FBXW5: variants seen among roughly 807,000 people sequenced by gnomAD.
The protein encoded by FBXW5 is F-box/WD repeat-containing protein 5.
Under a neutral mutation model 50.9 loss-of-function variants are expected in FBXW5, and 74 were observed. The ratio of observed to expected loss-of-function variants is 1.45; its 90% CI spans 1.20 to 1.76. FBXW5 has a LOEUF of 1.76. FBXW5 is among the 40% of genes most tolerant of loss of function. The pLI is 0.00. For missense variants in FBXW5, 1,073 were observed against 818.8 expected (o/e 1.31, Z -3.79); for synonymous variants, 523 against 362.2 (o/e 1.44, Z -5.04).
intron 3 of FBXW5, 199 bp downstream of exon 3, chr9:136,943,150 C>T: frequency 9.7e-7 from 1 of 1,027,894 alleles, no homozygotes; most frequent in East Asian, 2.6e-5. Context: ...GTGTGTGGGA[C>T]CCTCTCCTCA....
In FBXW5 at chr9:136,940,782, G is replaced by A. The variant is rs1190635818; in HGVS notation, c.*146C>T. ...GCATCACAGCTGCGTGAGCAGGTTT[G>A]TGTGTGAGCGTGTGGCGGGGCCTGG... On this transcript the variant is annotated 3_prime_UTR_variant, in exon 9 of 9. Coordinates refer to ENST00000325285, the MANE Select transcript of FBXW5 (RefSeq NM_018998.4). 2 of 1,256,936 alleles carry A rather than the reference G, an allele frequency of 1.6e-6. No individual in the cohort carries two copies. The highest frequency in any genetic ancestry group is 2.2e-6 in the Non-Finnish European group (2 of 927,540). The allele number at this position is 1,256,936 out of a possible 1,614,324, so 77.9% of individuals were successfully genotyped here.
chr9:136,944,127 C>T, intron 1 of FBXW5, 21 bp from the exon 2 acceptor site: 2 of 1,532,192 alleles, frequency 1.3e-6, no homozygotes, highest in South Asian at 1.2e-5. Context: ...CCAACGGCTG[C>T]CCTCAGCCCA....
chr9:136,943,774 G>A, intron 2 of FBXW5, 117 bp downstream of exon 2: 1 of 1,211,386 alleles, frequency 8.3e-7, no homozygotes, highest in Non-Finnish European at 1.2e-6. Context: ...AGGGTGTGGG[G>A]GGGTGAGCAT....
At position 136,940,496 on chromosome 9, in the gene FBXW5, C is replaced by T. The variant is rs1034529004; in HGVS notation, c.*432G>A. Reference sequence around the variant, plus strand: ...GTGGTGCGTGGACATGCAACACACTCGGGCCCACAGCAGCGTGACCGGCCG... The same window carrying T: ...GTGGTGCGTGGACATGCAACACACTTGGGCCCACAGCAGCGTGACCGGCCG... On this transcript the variant is annotated 3_prime_UTR_variant, in exon 9 of 9. Coordinates refer to ENST00000325285, the MANE Select transcript of FBXW5 (RefSeq NM_018998.4). 9 of 251,574 alleles carry T rather than the reference C, an allele frequency of 3.6e-5. No homozygotes were observed. The highest frequency in any genetic ancestry group is 5.6e-5 in the Non-Finnish European group (7 of 125,876). The allele number at this position is 251,574 out of a possible 1,614,324, so 15.6% of individuals were successfully genotyped here.
rs1850971645 is a variant in FBXW5 at position 136,944,720 on chromosome 9, C to T, written c.-150G>A. The T allele has an allele frequency of 2.0e-6, 2 of 985,534 alleles. No individual in the cohort carries two copies. Among genetic ancestry groups the T allele is most frequent in the Non-Finnish European group, 2.4e-6 (2 of 829,910 alleles). 61.0% of individuals were successfully genotyped at this position (985,534 alleles called of 1,614,324 possible). On this transcript the variant is annotated 5_prime_UTR_variant, in exon 1 of 9. Coordinates refer to ENST00000325285, the MANE Select transcript of FBXW5 (RefSeq NM_018998.4). ...CCGCCAGGCCCGACGCCACGAGCCC[C>T]GAGGCATCGATGGCCGAGGAAGGCA...
In FBXW5 at chr9:136,940,804, C is replaced by T; in HGVS notation, c.*124G>A. 2.9e-6 allele frequency: 4 copies of T among 1,385,968 alleles called. No individual in the cohort carries two copies. The highest frequency in any genetic ancestry group is 2.9e-6 in the Non-Finnish European group (3 of 1,041,930). The allele number at this position is 1,385,968 out of a possible 1,614,324, so 85.9% of individuals were successfully genotyped here. ...TTTGTGTGTGAGCGTGTGGCGGGGC[C>T]TGGTTGTCCCCTTCCTAAGGCGTAA... On this transcript the variant is annotated 3_prime_UTR_variant, in exon 9 of 9. Coordinates refer to ENST00000325285, the MANE Select transcript of FBXW5 (RefSeq NM_018998.4).
rs1424676288 is a variant in FBXW5 at position 136,942,606 on chromosome 9, G to C, written c.616C>G (p.Leu206Val). The C allele has an allele frequency of 1.2e-6, 2 of 1,610,888 alleles. No homozygotes were observed. Among genetic ancestry groups the C allele is most frequent in the East Asian group, 2.2e-5 (1 of 44,818 alleles). ...LTETSLISGN[L>V]HRIGDITSCS... is the part of the protein sequence containing the mutation. ...GAGGTGATATCTCCGATGCGGTGCA[G>C]GTTCCCCGAGATGAGGCTGGTCTCG... The change falls in exon 5 of 9, where the codon CTG (leucine) becomes GTG (valine). Residue 206 changes from leucine (L) to valine (V), a missense_variant. Leu to Val is a conservative substitution (Grantham distance 32). Coordinates refer to ENST00000325285, the MANE Select transcript of FBXW5 (RefSeq NM_018998.4).
intron 4 of FBXW5, 36 bp downstream of exon 4, chr9:136,942,733 G>C (rs778755224): frequency 6.2e-7 from 1 of 1,611,548 alleles, no homozygotes; most frequent in Non-Finnish European, 8.5e-7. Context: ...TGTCGGCGTG[G>C]GGCGGGGGCA....
chr9:136,940,689 T>G lies in FBXW5; in HGVS notation c.*239A>C, dbSNP rs1850715598. 1.7e-6 allele frequency: 1 copy of G among 594,096 alleles called. No individual in the cohort carries two copies. Among genetic ancestry groups the G allele is most frequent in the African/African-American group, 1.9e-5 (1 of 53,576 alleles). 36.8% of individuals were successfully genotyped at this position (594,096 alleles called of 1,614,324 possible). On this transcript the variant is annotated 3_prime_UTR_variant, in exon 9 of 9. Transcript: ENST00000325285. ...GAGGAGCGGCACCCCCAGTATCCTGTGTACCCCAAGTTGCCCAGGAGGCCG... is the reference window on the plus strand; with the variant it reads ...GAGGAGCGGCACCCCCAGTATCCTGGGTACCCCAAGTTGCCCAGGAGGCCG...
rs757618163 is a variant in FBXW5, at chr9:136,944,121, C to T, written c.-23-15G>A. 7 of 1,541,010 alleles carry T rather than the reference C, an allele frequency of 4.5e-6. No homozygotes were observed. Among genetic ancestry groups the T allele is most frequent in the Admixed American group, 3.9e-5 (2 of 51,566 alleles). Reference sequence around the variant, plus strand: ...CCCAGGCGGCCCTGAAACCCACCAACGGCTGCCCTCAGCCCAGGCCCGGGA... The same window carrying T: ...CCCAGGCGGCCCTGAAACCCACCAATGGCTGCCCTCAGCCCAGGCCCGGGA... On this transcript the variant is annotated splice_polypyrimidine_tract_variant and intron_variant, in intron 1 of 8. Transcript: ENST00000325285.
rs1365991949 is a variant in FBXW5, at chr9:136,941,479, T to C, written c.1245-16A>G. On this transcript the variant is annotated splice_polypyrimidine_tract_variant and intron_variant, in intron 7 of 8. Transcript: ENST00000325285. Reference sequence around the variant, plus strand: ...GTACAGGTACCTGGGCGAGGGGCACTGTGCTAGGTGTGGGCCGCCTGCGGG... The same window carrying C: ...GTACAGGTACCTGGGCGAGGGGCACCGTGCTAGGTGTGGGCCGCCTGCGGG... 1.2e-6 allele frequency: 2 copies of C among 1,604,642 alleles called. No homozygotes were observed. The highest frequency in any genetic ancestry group is 1.7e-6 in the Non-Finnish European group (2 of 1,178,272).
In FBXW5 at chr9:136,941,353, GT is replaced by G; in HGVS notation, c.1354del (p.Thr452ProfsTer5). On this transcript the variant is annotated frameshift_variant, in exon 8 of 9. Coordinates refer to ENST00000325285, the MANE Select transcript of FBXW5 (RefSeq NM_018998.4). LOFTEE classifies it high-confidence loss of function. ...EIDLLVFDLK[T>X]MREVRRALRA... ...CAGAGCCCGCCTCACCTCCCGCATGGTCTTGAGGTCGAACACCAGCAGGTCA... is the reference window on the plus strand; with the variant it reads ...CAGAGCCCGCCTCACCTCCCGCATGGCTTGAGGTCGAACACCAGCAGGTCA... 6.2e-7 allele frequency: 1 copy of G among 1,611,656 alleles called. No individual in the cohort carries two copies. The highest frequency in any genetic ancestry group is 2.2e-5 in the East Asian group (1 of 44,882).
Position 136,942,832 on chromosome 9 carries a change from C to T in FBXW5, c.463G>A (p.Ala155Thr), listed in dbSNP as rs752266640. The part of the protein sequence containing the change: ...QFNKDDSLLL[A>T]SGVFLGPHNS... ...TGCGGCCCCAGGAACACCCCCGAGG[C>T]CAGCAGTAGCGAGTCGTCCTTGTTG... Residue 155 changes from alanine (A) to threonine (T), a missense_variant, in exon 4 of 9, where the codon GCC (alanine) becomes ACC (threonine). By Grantham distance (58) the Ala-to-Thr change is moderately conservative. Coordinates refer to ENST00000325285, the MANE Select transcript of FBXW5 (RefSeq NM_018998.4). The T allele has an allele frequency of 1.2e-6, 2 of 1,613,366 alleles. No individual in the cohort carries two copies. Among genetic ancestry groups the T allele is most frequent in the East Asian group, 2.2e-5 (1 of 44,874 alleles).
Position 136,943,981 on chromosome 9 carries a change from G to A in FBXW5, c.103C>T (p.Gln35Ter), listed in dbSNP as rs1478624237. ...TCGTCCCGCGACACGGCCTGCCATT[G>A]GCGGCACACCAGCCCGGCGGCCAGC... The part of the protein sequence containing the change: ...DVLAAGLVCR[Q>*]WQAVSRDEFL... Residue 35 changes from glutamine to a stop codon, truncating the protein, a stop_gained, in exon 2 of 9, where the codon CAA becomes TAA. Transcript: ENST00000325285. LOFTEE classifies it high-confidence loss of function. 5 of 1,582,614 alleles carry A rather than the reference G, an allele frequency of 3.2e-6. No homozygotes were observed. The highest frequency in any genetic ancestry group is 2.3e-5 in the South Asian group (2 of 86,826).
At position 136,942,856 on chromosome 9, in the gene FBXW5, T is replaced by TGAACTGGGA. The variant is rs780481327; in HGVS notation, c.430_438dup (p.Ser144_Phe146dup). 3.8e-5 allele frequency: 62 copies of TGAACTGGGA among 1,613,426 alleles called. 1 individual carries two copies. The highest frequency in any genetic ancestry group is 5.2e-5 in the Non-Finnish European group (61 of 1,179,976). Reference sequence around the variant, plus strand: ...GCCAGCAGTAGCGAGTCGTCCTTGTTGAACTGGGAGAACTGGGTGTAGCTC... The same window carrying TGAACTGGGA: ...GCCAGCAGTAGCGAGTCGTCCTTGTTGAACTGGGAGAACTGGGAGAACTGGGTGTAGCTC... On this transcript the variant is annotated inframe_insertion, in exon 4 of 9. Transcript: ENST00000325285.
At chr9:136,944,454 G>T (rs1588464761) in intron 1 of FBXW5, 140 bp downstream of exon 1, 1 of 966,148 alleles carries the variant, frequency 1.0e-6, no homozygotes, top group Non-Finnish European at 1.2e-6. Context: ...CCTCCGCCCT[G>T]CGGCCCTGGA....
In FBXW5 at chr9:136,940,598, G is replaced by A. The variant is rs1323733720; in HGVS notation, c.*330C>T. Reference sequence around the variant, plus strand: ...TGGGCCACCGTCCAGGGCCCCACAGGACCAGCCGAAGGTGCCCCGGGCCGA... The same window carrying A: ...TGGGCCACCGTCCAGGGCCCCACAGAACCAGCCGAAGGTGCCCCGGGCCGA... On this transcript the variant is annotated 3_prime_UTR_variant, in exon 9 of 9. Coordinates refer to ENST00000325285, the MANE Select transcript of FBXW5 (RefSeq NM_018998.4). 2.8e-6 allele frequency: 1 copy of A among 362,470 alleles called. No individual in the cohort carries two copies. The highest frequency in any genetic ancestry group is 6.0e-5 in the East Asian group (1 of 16,568). The allele number at this position is 362,470 out of a possible 1,614,324, so 22.5% of individuals were successfully genotyped here.
Position 136,941,358 on chromosome 9 carries a change from G to A in FBXW5, c.1350C>T (p.Leu450=), listed in dbSNP as rs377703274. ...AEEIDLLVFD[L]KTMREVRRAL... ...CCCGCCTCACCTCCCGCATGGTCTT[G>A]AGGTCGAACACCAGCAGGTCAATCT... Residue 450 remains leucine, a synonymous_variant, in exon 8 of 9, where the codon CTC becomes CTT. Transcript: ENST00000325285. The A allele has an allele frequency of 6.8e-6, 11 of 1,611,592 alleles. No homozygotes were observed. The African/African-American group carries it at 1.5e-4, about 22-fold the overall frequency.
At chr9:136,943,563 G>A in intron 2 of FBXW5, 57 bp from the exon 3 acceptor site, 1 of 1,555,376 alleles carries the variant, frequency 6.4e-7, no homozygotes, top group Non-Finnish European at 8.7e-7. Context: ...TCACGGCCAT[G>A]AGCCGAGTGT....
Sources: allele counts gnomAD v4.1 joint callset, GRCh38; gene constraint gnomAD v4.1.1; transcripts MANE v1.5; gene names NCBI Gene and HGNC (gene_info 2026-07-23, HGNC 2026-07-21).